Variants in SUPT3H observed in about 807,000 individuals in gnomAD.
SUPT3H encodes SPT3 homolog, SAGA and STAGA complex component, also known as transcription initiation protein SPT3 homolog.
SUPT3H carries 44 observed loss-of-function variants against 44.3 expected under a neutral mutation model. The ratio of observed to expected loss-of-function variants is 0.99; its 90% CI spans 0.78 to 1.28. The LOEUF (loss-of-function observed/expected upper bound fraction) is 1.28, where lower values mean the gene tolerates loss of function less well. Among genes scored for constraint, SUPT3H ranks in the 50% most tolerant of loss-of-function variants. SUPT3H has a pLI of 0.00. For synonymous variants in SUPT3H, 124 were observed against 125.6 expected (o/e 0.99, Z 0.09); for missense variants, 380 against 387.1 (o/e 0.98, Z 0.15).
chr6:44,951,688 C>T (rs1003875329), intron 9 of SUPT3H, among the ~76,000 whole-genome samples: 12 of 152,136 alleles, frequency 7.9e-5, no homozygotes, highest in East Asian at 3.9e-4. Context: ...ACAGCGGCTG[C>T]GGTTGCTGAG....
chr6:44,930,434 G>A (rs961425004), intron 10 of SUPT3H, among the ~76,000 whole-genome samples: 1 of 151,652 alleles, frequency 6.6e-6, no homozygotes, highest in Non-Finnish European at 1.5e-5. Context: ...ATGGTGGCAG[G>A]TGCCTGTAAT....
At position 45,286,190 on chromosome 6, in the gene SUPT3H, G is replaced by T. The variant is rs543073451; in HGVS notation, c.101+79011C>A. 2.2e-3 allele frequency among the ~76,000 whole-genome samples: 331 copies of T among 151,600 alleles called. 2 individuals carry two copies. Among genetic ancestry groups the T allele is most frequent in the African/African-American group, 7.5e-3 (309 of 41,274 alleles). On this transcript the variant is annotated intron_variant, in intron 2 of 10. Coordinates refer to ENST00000371459, the MANE Select transcript of SUPT3H (RefSeq NM_003599.4). ...CCATTCAGGACATAGGCATGGGCCAGGACTTCATGTCTAAAACACCAAAAG... is the reference window on the plus strand; with the variant it reads ...CCATTCAGGACATAGGCATGGGCCATGACTTCATGTCTAAAACACCAAAAG...
At position 44,961,630 on chromosome 6, in the gene SUPT3H, C is replaced by T. The variant is rs985294441; in HGVS notation, c.580+123G>A. 6 of 737,764 alleles carry T rather than the reference C, an allele frequency of 8.1e-6. No homozygotes were observed. The East Asian group carries it at 1.3e-4, about 16-fold the overall frequency. The allele number at this position is 737,764 out of a possible 1,614,324, so 45.7% of individuals were successfully genotyped here. ...CACAATGTAGACGTTGTTTGTATAGCACTTACAACTACACATATATTAAAT... is the reference window on the plus strand; with the variant it reads ...CACAATGTAGACGTTGTTTGTATAGTACTTACAACTACACATATATTAAAT... On this transcript the variant is annotated intron_variant, in intron 7 of 10. Transcript: ENST00000371459.
At chr6:45,241,812 AACT>A (rs1313635760) in intron 2 of SUPT3H, among the ~76,000 whole-genome samples, 2 of 152,228 alleles carry the variant, frequency 1.3e-5, no homozygotes, top group Non-Finnish European at 2.9e-5. Flanking sequence ...CTAGAATAAA[AACT>A]ACTAGTTTAA....
In SUPT3H at chr6:44,934,320, T is replaced by C. The variant is rs747229438; in HGVS notation, c.802-1557A>G. The stretch of plus-strand genomic sequence containing the variant: ...TTGCACAGGTACAAAATAATATATA[T>C]ACATAAGGATACTTACTATAGTACT... On this transcript the variant is annotated intron_variant, in intron 9 of 10. Coordinates refer to ENST00000371459, the MANE Select transcript of SUPT3H (RefSeq NM_003599.4). Among the ~76,000 whole-genome samples, 3 of 152,292 alleles carry C rather than the reference T, an allele frequency of 2.0e-5. No homozygotes were observed. In the South Asian group the frequency reaches 6.2e-4, roughly 32 times the overall value.
chr6:45,275,538 G>A (rs1459594292), intron 2 of SUPT3H, among the ~76,000 whole-genome samples: 1 of 152,150 alleles, frequency 6.6e-6, no homozygotes, highest in Non-Finnish European at 1.5e-5. Flanking sequence ...CAGATTTGAA[G>A]AGACTAAGAA....
chr6:45,299,139 A>G (rs912080957), intron 2 of SUPT3H, among the ~76,000 whole-genome samples: 1 of 152,018 alleles, frequency 6.6e-6, no homozygotes. Context: ...TGAGGTCAGG[A>G]GTTCGAAACC....
At chr6:44,991,960 C>T (rs966830929) in intron 6 of SUPT3H, among the ~76,000 whole-genome samples, 5 of 152,006 alleles carry the variant, frequency 3.3e-5, no homozygotes, top group African/African-American at 1.2e-4. Context: ...AACCATCTGC[C>T]CACCTACTGT....
At chr6:44,877,860 C>A (rs1344110535) in intron 10 of SUPT3H, among the ~76,000 whole-genome samples, 1 of 152,150 alleles carries the variant, frequency 6.6e-6, no homozygotes, top group African/African-American at 2.4e-5. Flanking sequence ...CAGTTCTGCA[C>A]TGTGATGTTG....
At chr6:44,864,588 C>A (rs144159325) in intron 10 of SUPT3H, among the ~76,000 whole-genome samples, 8 of 152,354 alleles carry the variant, frequency 5.3e-5, no homozygotes, top group African/African-American at 1.9e-4. Context: ...CACTGGCAGG[C>A]TCAACACCAC....
At chr6:45,054,192 C>G (rs939994755) in intron 3 of SUPT3H, among the ~76,000 whole-genome samples, 1 of 151,942 alleles carries the variant, frequency 6.6e-6, no homozygotes, top group African/African-American at 2.4e-5. Flanking sequence ...ATCTTCTCCC[C>G]CCTGTAAGCT....
At chr6:45,323,109 T>C (rs577134496) in intron 2 of SUPT3H, 5 of 562,864 alleles carry the variant, frequency 8.9e-6, no homozygotes, top group African/African-American at 3.9e-5. Context: ...ATTTATATAC[T>C]GGAATGCTCA....
At chr6:44,930,433 G>A (rs1039886073) in intron 10 of SUPT3H, among the ~76,000 whole-genome samples, 1 of 151,590 alleles carries the variant, frequency 6.6e-6, no homozygotes, top group Non-Finnish European at 1.5e-5. Flanking sequence ...CATGGTGGCA[G>A]GTGCCTGTAA....
chr6:45,172,971 CAA>C (rs762367693), intron 2 of SUPT3H, among the ~76,000 whole-genome samples: 1 of 152,080 alleles, frequency 6.6e-6, no homozygotes, highest in Non-Finnish European at 1.5e-5. Flanking sequence ...ATCAATGAGA[CAA>C]AAAGTCCTTT....
chr6:44,946,808 T>A (rs1030534534), intron 9 of SUPT3H, among the ~76,000 whole-genome samples: 2 of 152,156 alleles, frequency 1.3e-5, no homozygotes, highest in Non-Finnish European at 2.9e-5. Context: ...TAAAGCAATG[T>A]CAGGGTTTGA....
At chr6:45,054,697 C>T (rs1007342310) in intron 3 of SUPT3H, among the ~76,000 whole-genome samples, 3 of 152,088 alleles carry the variant, frequency 2.0e-5, no homozygotes, top group African/African-American at 7.2e-5. Context: ...GAACAGATTA[C>T]ACATGCACCA....
At chr6:45,015,014 T>C (rs899026834) in intron 4 of SUPT3H, 123 bp from the exon 5 acceptor site, 1 of 488,388 alleles carries the variant, frequency 2.0e-6, no homozygotes, top group Non-Finnish European at 3.4e-6. Context: ...AGTAAAGTAA[T>C]CCTTAGCATA....
intron 10 of SUPT3H, among the ~76,000 whole-genome samples, chr6:44,863,420 T>C (rs1013641487): frequency 4.6e-5 from 7 of 152,150 alleles, no homozygotes; most frequent in Admixed American, 3.9e-4. Flanking sequence ...TCCTATTTCA[T>C]GTAAGGGGTC....
At chr6:45,363,042 T>G (rs573368894) in intron 2 of SUPT3H, among the ~76,000 whole-genome samples, 2 of 152,242 alleles carry the variant, frequency 1.3e-5, no homozygotes, top group East Asian at 3.9e-4. Context: ...TTTTGTAGTC[T>G]TCTTCTTAAA....
Sources: gnomAD v4.1 joint callset for allele counts (sites outside exome capture counted in the v4.1 genomes callset) on GRCh38, gnomAD v4.1.1 for gene constraint, MANE v1.5 for transcripts, NCBI Gene and HGNC (gene_info 2026-07-23, HGNC 2026-07-21) for gene names.